FBXL17: variants seen among roughly 807,000 people sequenced by gnomAD.
The protein encoded by FBXL17 is F-box/LRR-repeat protein 17.
A neutral mutation model predicts 66.2 loss-of-function variants in FBXL17; 22 were observed. The observed-to-expected ratio is 0.33, with a 90% CI of 0.24 to 0.47. The LOEUF (loss-of-function observed/expected upper bound fraction) is 0.47. Among genes scored for constraint, FBXL17 ranks in the 20% least tolerant of loss-of-function variants. FBXL17 has a pLI of 1.00. For missense variants in FBXL17, 878 were observed against 948.2 expected (o/e 0.93, Z 0.97); for synonymous variants, 474 against 400.5 (o/e 1.18, Z -2.19).
At chr5:108,360,316 T>C (rs1359051193) in intron 3 of FBXL17, among the ~76,000 whole-genome samples, 1 of 152,156 alleles carries the variant, frequency 6.6e-6, no homozygotes, top group Non-Finnish European at 1.5e-5. Context: ...GGAAATATCT[T>C]AATGTCCCCT....
chr5:108,090,753 C>T lies in FBXL17; in HGVS notation c.1746-69752G>A, dbSNP rs286823. Reference sequence around the variant, plus strand: ...TTTTAGCATGTGGGCCATACAAAAACAGGCGTTGGCCAGATTTGGCCAATG... The same window carrying T: ...TTTTAGCATGTGGGCCATACAAAAATAGGCGTTGGCCAGATTTGGCCAATG... On this transcript the variant is annotated intron_variant, in intron 6 of 8. Coordinates refer to ENST00000542267, the MANE Select transcript of FBXL17 (RefSeq NM_001163315.3). Among the ~76,000 whole-genome samples the T allele has an allele frequency of 4.0e-3, 611 of 152,234 alleles. 5 individuals are homozygous for T. The highest frequency in any genetic ancestry group is 0.014 in the African/African-American group (578 of 41,544).
At chr5:108,175,085 G>A (rs79479253) in intron 6 of FBXL17, among the ~76,000 whole-genome samples, 266 of 152,260 alleles carry the variant, frequency 1.7e-3, no homozygotes, top group African/African-American at 6.1e-3. Context: ...CCAATTGCCT[G>A]GATTTCAGCC....
intron 7 of FBXL17, among the ~76,000 whole-genome samples, chr5:108,007,412 G>A (rs1561364037): frequency 6.6e-6 from 1 of 152,050 alleles, no homozygotes; most frequent in Non-Finnish European, 1.5e-5. Flanking sequence ...ACAATCACAA[G>A]CTGGAAGGGA....
intron 1 of FBXL17, among the ~76,000 whole-genome samples, chr5:108,379,201 T>C (rs1377622041): frequency 6.6e-6 from 1 of 152,220 alleles, no homozygotes; most frequent in Admixed American, 6.5e-5. Context: ...ATGAAATAAT[T>C]TGTAAGTAGA....
intron 4 of FBXL17, among the ~76,000 whole-genome samples, chr5:108,339,591 A>G (rs201963639): frequency 6.6e-6 from 1 of 151,896 alleles, no homozygotes; most frequent in East Asian, 1.9e-4. Context: ...AAAAAAAAAA[A>G]GGACTTAAAC....
At chr5:108,123,164 C>T (rs1193161480) in intron 6 of FBXL17, among the ~76,000 whole-genome samples, 1 of 151,134 alleles carries the variant, frequency 6.6e-6, no homozygotes, top group African/African-American at 2.4e-5. Context: ...TTGTCTTTTG[C>T]TTTTTTTAAT....
At chr5:107,970,508 C>T (rs1343595283) in intron 7 of FBXL17, among the ~76,000 whole-genome samples, 2 of 152,134 alleles carry the variant, frequency 1.3e-5, no homozygotes, top group African/African-American at 4.8e-5. Context: ...TCTTCTATCC[C>T]TTAGGCCAGA....
chr5:108,184,409 C>G (rs1753140329), intron 6 of FBXL17, among the ~76,000 whole-genome samples: 1 of 151,958 alleles, frequency 6.6e-6, no homozygotes, highest in Non-Finnish European at 1.5e-5. Context: ...CGGGTTCACG[C>G]CATTCTCCTG....
chr5:107,919,635 C>A (rs1467649010), intron 7 of FBXL17, among the ~76,000 whole-genome samples: 2 of 152,186 alleles, frequency 1.3e-5, no homozygotes, highest in Admixed American at 1.3e-4. Flanking sequence ...GAATCATCCT[C>A]CTGTCCCATC....
At chr5:108,290,036 T>A (rs1189054634) in intron 4 of FBXL17, among the ~76,000 whole-genome samples, 1 of 152,164 alleles carries the variant, frequency 6.6e-6, no homozygotes, top group Non-Finnish European at 1.5e-5. Context: ...CCAAGGGATA[T>A]TTTTAGTGGA....
intron 7 of FBXL17, among the ~76,000 whole-genome samples, chr5:107,921,502 A>C (rs1750318650): frequency 6.6e-6 from 1 of 152,242 alleles, no homozygotes; most frequent in South Asian, 2.1e-4. Context: ...GGCAAAGCAC[A>C]GGGCATAGAT....
chr5:108,158,509 C>CTG (rs3984948), intron 6 of FBXL17, among the ~76,000 whole-genome samples: 32,527 of 148,844 alleles, frequency 0.22, 3,519 homozygotes, highest in African/African-American at 0.26. Flanking sequence ...GTGTGTGTGT[C>CTG]TGTGTGTGTG....
intron 4 of FBXL17, among the ~76,000 whole-genome samples, chr5:108,322,383 C>T (rs2150221120): frequency 6.6e-6 from 1 of 151,892 alleles, no homozygotes; most frequent in South Asian, 2.1e-4. Flanking sequence ...TCTTATGAAC[C>T]AATTATGAAA....
At chr5:108,169,140 T>G (rs1752516138) in intron 6 of FBXL17, among the ~76,000 whole-genome samples, 1 of 152,284 alleles carries the variant, frequency 6.6e-6, no homozygotes, top group South Asian at 2.1e-4. Flanking sequence ...TATTATGTCC[T>G]ACTTACAGAT....
chr5:108,069,375 T>C (rs1332693047), intron 6 of FBXL17, among the ~76,000 whole-genome samples: 3 of 152,182 alleles, frequency 2.0e-5, no homozygotes, highest in African/African-American at 7.2e-5. Context: ...AATAGGAACA[T>C]TAAGGATATA....
intron 4 of FBXL17, among the ~76,000 whole-genome samples, chr5:108,333,756 C>T (rs539560432): frequency 5.8e-4 from 89 of 152,230 alleles, no homozygotes; most frequent in Non-Finnish European, 1.2e-3. Context: ...ACAAAAACCC[C>T]AATGAGATTG....
At chr5:107,879,700 T>C (rs952923513) in intron 8 of FBXL17, 10 of 985,376 alleles carry the variant, frequency 1.0e-5, no homozygotes, top group Middle Eastern at 1.0e-3. Flanking sequence ...TTGAATGGCG[T>C]GTCTATTTAG....
At chr5:108,240,408 T>C (rs573143919) in intron 4 of FBXL17, among the ~76,000 whole-genome samples, 27 of 152,190 alleles carry the variant, frequency 1.8e-4, no homozygotes, top group East Asian at 9.7e-4. Flanking sequence ...ATGAATATCA[T>C]TGGTAGCCAG....
At chr5:108,197,246 A>C (rs955363756) in intron 5 of FBXL17, among the ~76,000 whole-genome samples, 1 of 152,202 alleles carries the variant, frequency 6.6e-6, no homozygotes, top group Non-Finnish European at 1.5e-5. Context: ...TTTCCCTTCA[A>C]TTAAAAAATA....
Sources: allele counts gnomAD v4.1 joint callset (sites outside exome capture counted in the v4.1 genomes callset), GRCh38; gene constraint gnomAD v4.1.1; transcripts MANE v1.5; gene names NCBI Gene and HGNC (gene_info 2026-07-23, HGNC 2026-07-21).